Variants in DNAH8 observed in about 807,000 individuals in gnomAD.
DNAH8 encodes dynein axonemal heavy chain 8.
Under a neutral mutation model 562.1 loss-of-function variants are expected in DNAH8, and 382 were observed. The observed-to-expected ratio is 0.68, with a 90% CI of 0.63 to 0.74. DNAH8 has a LOEUF of 0.74. Ranked by LOEUF, DNAH8 falls within the 30% of genes least tolerant of loss-of-function variation. DNAH8 has a pLI of 0.00. For synonymous variants in DNAH8, 1,881 were observed against 1,919.4 expected, an observed-to-expected ratio of 0.98 and a Z score of 0.52; for missense variants, 5,203 against 5,620.4, an observed-to-expected ratio of 0.93 and a Z score of 2.37.
chr6:39,024,978 G>T (rs943096217), intron 91 of DNAH8, among the ~76,000 whole-genome samples: 10 of 152,178 alleles, frequency 6.6e-5, no homozygotes, highest in African/African-American at 2.4e-4. Flanking sequence ...TGGGCACTCC[G>T]AGTAAATGTG....
At chr6:38,849,146 A>G (rs1775542482) in intron 37 of DNAH8, among the ~76,000 whole-genome samples, 2 of 152,200 alleles carry the variant, frequency 1.3e-5, no homozygotes, top group Admixed American at 6.6e-5. Flanking sequence ...AGAAACTTAC[A>G]TAGTTTTAAA....
Position 38,784,598 on chromosome 6 carries a change from C to G in DNAH8, c.2395+1459C>G, listed in dbSNP as rs989426653. On this transcript the variant is annotated intron_variant, in intron 17 of 92. Transcript: ENST00000327475. ...CCAAGGTTACCCTCTATGTCTGTTT[C>G]ATCTGATATCCTTTAAAAAATGGTC... Among the ~76,000 whole-genome samples the G allele has an allele frequency of 2.6e-5, 4 of 152,218 alleles. 1 individual carries two copies. Among genetic ancestry groups the G allele is most frequent in the Middle Eastern group, 6.3e-3 (2 of 316 alleles).
chr6:38,723,592 G>T, intron 3 of DNAH8, 121 bp downstream of exon 3: 1 of 1,317,950 alleles, frequency 7.6e-7, no homozygotes, highest in Non-Finnish European at 1.0e-6. Flanking sequence ...GACAAAGTTG[G>T]GGCAGGGCAC....
Position 38,715,732 on chromosome 6 carries a change from G to C in DNAH8, c.-35+317G>C, listed in dbSNP as rs988363724. Among the ~76,000 whole-genome samples, 29 of 151,384 alleles carry C rather than the reference G, an allele frequency of 1.9e-4. 1 individual carries two copies. In the East Asian group the frequency reaches 2.5e-3, roughly 13 times the overall value. On this transcript the variant is annotated intron_variant, in intron 1 of 92. Transcript: ENST00000327475. ...CTATTGCTACGCAAAGGCATCCAGA[G>C]GGGTATAGTGGACTTCGGAGACTCA...
chr6:38,831,322 G>T (rs755529401), intron 30 of DNAH8, among the ~76,000 whole-genome samples: 1 of 151,530 alleles, frequency 6.6e-6, no homozygotes, highest in Non-Finnish European at 1.5e-5. Flanking sequence ...CTATTTGGGA[G>T]GCTGAGGTGG....
Position 38,971,580 on chromosome 6 carries a change from C to G in DNAH8, c.12452-12C>G. On this transcript the variant is annotated splice_polypyrimidine_tract_variant and intron_variant, in intron 82 of 92. Transcript: ENST00000327475. ...TGTGTTTCATCATAGTGAACTTTCTCCTATGTTACAGAATGTAGAACTATC... is the reference window on the plus strand; with the variant it reads ...TGTGTTTCATCATAGTGAACTTTCTGCTATGTTACAGAATGTAGAACTATC... 2 of 1,515,202 alleles carry G rather than the reference C, an allele frequency of 1.3e-6. No individual in the cohort carries two copies. The highest frequency in any genetic ancestry group is 1.8e-6 in the Non-Finnish European group (2 of 1,128,146). 93.9% of individuals were successfully genotyped at this position (1,515,202 alleles called of 1,614,324 possible).
At position 38,784,624 on chromosome 6, in the gene DNAH8, A is replaced by G. The variant is rs113599242; in HGVS notation, c.2395+1485A>G. Reference sequence around the variant, plus strand: ...ATCTGATATCCTTTAAAAAATGGTCATAGCTAACATTTATACAGTGCTCAC... The same window carrying G: ...ATCTGATATCCTTTAAAAAATGGTCGTAGCTAACATTTATACAGTGCTCAC... On this transcript the variant is annotated intron_variant, in intron 17 of 92. Coordinates refer to ENST00000327475, the MANE Select transcript of DNAH8 (RefSeq NM_001206927.2). Among the ~76,000 whole-genome samples the G allele has an allele frequency of 1.1e-3, 172 of 152,346 alleles. 2 individuals carry two copies. Among genetic ancestry groups the G allele is most frequent in the African/African-American group, 3.8e-3 (160 of 41,592 alleles).
intron 26 of DNAH8, among the ~76,000 whole-genome samples, chr6:38,816,327 A>G (rs1276833606): frequency 1.3e-5 from 2 of 152,170 alleles, no homozygotes; most frequent in Non-Finnish European, 2.9e-5. Flanking sequence ...ACAAGTGAGA[A>G]CATGTAGTGT....
At chr6:38,893,261 T>C (rs1213727096) in intron 58 of DNAH8, among the ~76,000 whole-genome samples, 1 of 152,224 alleles carries the variant, frequency 6.6e-6, no homozygotes, top group African/African-American at 2.4e-5. Context: ...CAAAGCACTC[T>C]TTTGATCCAT....
intron 5 of DNAH8, among the ~76,000 whole-genome samples, chr6:38,735,285 T>G (rs1763993386): frequency 6.6e-6 from 1 of 152,250 alleles, no homozygotes; most frequent in Non-Finnish European, 1.5e-5. Context: ...TTAGAGAGTC[T>G]TAATACCTTT....
chr6:38,904,193 A>G (rs571105301), intron 62 of DNAH8, among the ~76,000 whole-genome samples: 27 of 152,306 alleles, frequency 1.8e-4, no homozygotes, highest in Admixed American at 7.2e-4. Flanking sequence ...AGTTCAGTAC[A>G]TTTGAGTCTG....
At chr6:38,975,216 T>A (rs1763594965) in intron 85 of DNAH8, among the ~76,000 whole-genome samples, 1 of 152,244 alleles carries the variant, frequency 6.6e-6, no homozygotes, top group Admixed American at 6.5e-5. Context: ...CTGTTACGAT[T>A]TTTTAAATTA....
intron 13 of DNAH8, among the ~76,000 whole-genome samples, chr6:38,776,759 G>A (rs919038272): frequency 6.6e-6 from 1 of 152,194 alleles, no homozygotes; most frequent in African/African-American, 2.4e-5. Flanking sequence ...TGGATGAAGG[G>A]TAGTCAGAAA....
At chr6:38,845,383 T>C (rs547036694) in intron 35 of DNAH8, among the ~76,000 whole-genome samples, 191 bp from the exon 36 acceptor site, 2 of 152,168 alleles carry the variant, frequency 1.3e-5, no homozygotes, top group Non-Finnish European at 1.5e-5. Flanking sequence ...CGGCGATTAG[T>C]AAATAATTAG....
rs1185247828 is a variant in DNAH8, at chr6:38,723,045, C to T, written c.236C>T (p.Ala79Val). 9.9e-6 allele frequency: 16 copies of T among 1,612,868 alleles called. No homozygotes were observed. Among genetic ancestry groups the T allele is most frequent in the Non-Finnish European group, 1.2e-5 (14 of 1,179,884 alleles). Residue 79 changes from alanine (A) to valine (V), a missense_variant, in exon 2 of 93, where the codon GCG (alanine) becomes GTG (valine). Transcript: ENST00000327475. ...EGIVLPDDHEADLNRVRQRLA... is the reference protein window; with the variant it reads ...EGIVLPDDHEVDLNRVRQRLA... ...ATAGTTCTTCCAGATGATCATGAAG[C>T]GGATCTGAATAGAGTTCGACAGAGG...
chr6:38,904,714 C>T (rs1327440345), intron 62 of DNAH8, among the ~76,000 whole-genome samples: 1 of 150,926 alleles, frequency 6.6e-6, no homozygotes, highest in Non-Finnish European at 1.5e-5. Flanking sequence ...ATCGCTTGTA[C>T]CCTGATGGTG....
intron 85 of DNAH8, among the ~76,000 whole-genome samples, chr6:38,975,166 C>T (rs975801639): frequency 4.6e-5 from 7 of 152,138 alleles, no homozygotes; most frequent in East Asian, 1.9e-4. Flanking sequence ...TTAGTACTGA[C>T]GCAGTAATTT....
chr6:38,827,321 G>A (rs1444997158), intron 29 of DNAH8, among the ~76,000 whole-genome samples: 1 of 152,138 alleles, frequency 6.6e-6, no homozygotes, highest in Non-Finnish European at 1.5e-5. Context: ...CACAGACTTT[G>A]GGGATCAGGA....
chr6:38,951,670 C>G, intron 82 of DNAH8, 150 bp downstream of exon 82: 1 of 694,510 alleles, frequency 1.4e-6, no homozygotes, highest in Non-Finnish European at 2.5e-6. Context: ...TCCTTTCATA[C>G]CTCCTAAAGT....
Sources: gnomAD v4.1 joint callset for allele counts (sites outside exome capture counted in the v4.1 genomes callset) on GRCh38, gnomAD v4.1.1 for gene constraint, MANE v1.5 for transcripts, NCBI Gene and HGNC (gene_info 2026-07-23, HGNC 2026-07-21) for gene names.